ARHGAP26: variants seen among roughly 807,000 people sequenced by gnomAD.
The protein encoded by ARHGAP26 is rho GTPase-activating protein 26.
Under a neutral mutation model 104.8 loss-of-function variants are expected in ARHGAP26, and 38 were observed. That is an observed-to-expected ratio of 0.36 (90% CI 0.28 to 0.48). The LOEUF (loss-of-function observed/expected upper bound fraction) is 0.48. ARHGAP26 is among the 20% of genes least tolerant of loss of function. The probability of loss-of-function intolerance (pLI) is 0.99; values close to 1 mark genes in which losing one functional copy is unlikely to be tolerated. For missense variants in ARHGAP26, 704 were observed against 947.9 expected, an observed-to-expected ratio of 0.74 and a Z score of 3.38; for synonymous variants, 341 against 340.0, an observed-to-expected ratio of 1.00 and a Z score of -0.03.
intron 20 of ARHGAP26, chr5:143,147,638 G>T: frequency 2.4e-6 from 1 of 425,356 alleles, no homozygotes; most frequent in Non-Finnish European, 4.2e-6. Flanking sequence ...TGGCTTTGGT[G>T]ATAGCTATTG....
intron 18 of ARHGAP26, among the ~76,000 whole-genome samples, chr5:143,127,306 C>T (rs1253379563): frequency 2.0e-5 from 3 of 152,182 alleles, no homozygotes; most frequent in Non-Finnish European, 1.5e-5. Context: ...GCACTCGAAA[C>T]GGTTTCTGTA....
chr5:143,150,964 CAA>C (rs1384822451), intron 20 of ARHGAP26, among the ~76,000 whole-genome samples: 3 of 152,082 alleles, frequency 2.0e-5, no homozygotes, highest in African/African-American at 4.8e-5. Flanking sequence ...GAAAGACACT[CAA>C]GAGAATGAAA....
At chr5:143,082,689 C>T (rs1040333069) in intron 17 of ARHGAP26, among the ~76,000 whole-genome samples, 1 of 152,224 alleles carries the variant, frequency 6.6e-6, no homozygotes, top group Non-Finnish European at 1.5e-5. Flanking sequence ...TGTAGCCGCA[C>T]ATAAGCGTAA....
At chr5:143,111,139 A>G (rs748844167) in intron 17 of ARHGAP26, among the ~76,000 whole-genome samples, 10 of 152,214 alleles carry the variant, frequency 6.6e-5, no homozygotes, top group Non-Finnish European at 1.3e-4. Context: ...GAGATTTTAT[A>G]CTGTTGGTGG....
At chr5:143,208,943 C>A (rs999545634) in intron 21 of ARHGAP26, among the ~76,000 whole-genome samples, 2 of 152,062 alleles carry the variant, frequency 1.3e-5, no homozygotes, top group African/African-American at 4.8e-5. Flanking sequence ...TTCTAAGATA[C>A]CAGAAATAGC....
chr5:142,903,917 C>G (rs1760723191), intron 8 of ARHGAP26, among the ~76,000 whole-genome samples: 1 of 152,120 alleles, frequency 6.6e-6, no homozygotes. Flanking sequence ...TCTTCTCTCT[C>G]TAATGTTACT....
intron 12 of ARHGAP26, among the ~76,000 whole-genome samples, chr5:143,015,905 G>T (rs892049398): frequency 2.0e-5 from 3 of 152,226 alleles, no homozygotes; most frequent in Non-Finnish European, 4.4e-5. Flanking sequence ...AAGGCATTTC[G>T]AGGATATGCT....
At chr5:142,960,280 G>C (rs1042041090) in intron 11 of ARHGAP26, among the ~76,000 whole-genome samples, 1 of 152,252 alleles carries the variant, frequency 6.6e-6, no homozygotes, top group Non-Finnish European at 1.5e-5. Context: ...TAAGTTCTAT[G>C]TACTCAGTCT....
At chr5:142,870,621 A>G (rs1009573232) in intron 1 of ARHGAP26, among the ~76,000 whole-genome samples, 2 of 152,252 alleles carry the variant, frequency 1.3e-5, no homozygotes, top group African/African-American at 4.8e-5. Flanking sequence ...AGGAAAGAAT[A>G]GCCCAGCTAT....
intron 12 of ARHGAP26, among the ~76,000 whole-genome samples, chr5:143,034,439 G>A (rs1024124270): frequency 6.6e-6 from 1 of 152,196 alleles, no homozygotes; most frequent in Admixed American, 6.5e-5. Flanking sequence ...AAGTACTGAT[G>A]CTACAACATG....
intron 1 of ARHGAP26, among the ~76,000 whole-genome samples, chr5:142,827,640 C>G (rs1393414911): frequency 2.0e-5 from 3 of 152,166 alleles, no homozygotes; most frequent in African/African-American, 7.2e-5. Flanking sequence ...GGGATACTTA[C>G]AGAGGTCAAT....
chr5:143,103,755 T>C (rs1338933667), intron 17 of ARHGAP26, among the ~76,000 whole-genome samples: 1 of 151,928 alleles, frequency 6.6e-6, no homozygotes, highest in African/African-American at 2.4e-5. Flanking sequence ...TGAGAACATA[T>C]GGGCACAGGG....
intron 20 of ARHGAP26, among the ~76,000 whole-genome samples, chr5:143,181,781 T>C (rs907178292): frequency 1.3e-5 from 2 of 152,258 alleles, no homozygotes; most frequent in African/African-American, 4.8e-5. Flanking sequence ...TTGTTTTGTT[T>C]TTGTTTTTTA....
At chr5:143,018,637 A>G (rs183657930) in intron 12 of ARHGAP26, among the ~76,000 whole-genome samples, 1 of 152,264 alleles carries the variant, frequency 6.6e-6, no homozygotes, top group Non-Finnish European at 1.5e-5. Context: ...GTGTTCTTGC[A>G]TTTTAGGTTT....
In ARHGAP26 at chr5:142,865,023, T is replaced by G. The variant is rs185548099; in HGVS notation, c.155-8377T>G. ...TTGATTAGTCCCTCTCAAAATGGGT[T>G]TCTTTGTTTTCATTAAGAAATGTCC... is the stretch of plus-strand genomic sequence containing the variant. On this transcript the variant is annotated intron_variant, in intron 1 of 22. Transcript: ENST00000645722. 5.9e-5 allele frequency among the ~76,000 whole-genome samples: 9 copies of G among 152,346 alleles called. No homozygotes were observed. The East Asian group carries it at 1.7e-3, about 29-fold the overall frequency.
chr5:142,949,974 G>C (rs770121948), intron 11 of ARHGAP26, among the ~76,000 whole-genome samples: 11 of 152,218 alleles, frequency 7.2e-5, no homozygotes, highest in Non-Finnish European at 1.3e-4. Flanking sequence ...AGGTTGCTTT[G>C]TTCTTAATAT....
intron 11 of ARHGAP26, chr5:143,010,612 A>T (rs537466318): frequency 1.3e-5 from 2 of 152,340 alleles, no homozygotes; most frequent in East Asian, 3.9e-4. Flanking sequence ...CCCAAACCAG[A>T]CAGAGATTAA....
chr5:143,204,296 G>A (rs1321955168), intron 20 of ARHGAP26, among the ~76,000 whole-genome samples: 1 of 152,172 alleles, frequency 6.6e-6, no homozygotes, highest in African/African-American at 2.4e-5. Context: ...GCCAAGGTGG[G>A]TGGAACACCT....
chr5:143,132,454 T>C (rs979524779), intron 18 of ARHGAP26, among the ~76,000 whole-genome samples: 1 of 151,252 alleles, frequency 6.6e-6, no homozygotes, highest in Non-Finnish European at 1.5e-5. Flanking sequence ...GAATAAGAGA[T>C]GGTAATGAGT....
Sources: gnomAD v4.1 joint callset for allele counts (sites outside exome capture counted in the v4.1 genomes callset) on GRCh38, gnomAD v4.1.1 for gene constraint, MANE v1.5 for transcripts, NCBI Gene and HGNC (gene_info 2026-07-23, HGNC 2026-07-21) for gene names.